The following SELENON variants were observed in gnomAD, a reference collection of about 807,000 sequenced individuals.
The protein encoded by SELENON is selenoprotein N, 1.
A neutral mutation model predicts 59.5 loss-of-function variants in SELENON; 44 were observed. That is an observed-to-expected ratio of 0.74 (90% CI 0.58 to 0.95). SELENON has a LOEUF of 0.95. Ranked by LOEUF, SELENON falls within the 40% of genes least tolerant of loss-of-function variation. The pLI, the probability that SELENON is intolerant of heterozygous loss-of-function variation, is 0.00. For synonymous variants in SELENON, 320 were observed against 305.6 expected (o/e 1.05, Z -0.49); for missense variants, 674 against 721.4 (o/e 0.93, Z 0.75).
intron 7 of SELENON, among the ~76,000 whole-genome samples, chr1:25,810,023 G>C (rs983009689): frequency 6.6e-6 from 1 of 152,176 alleles, no homozygotes; most frequent in Non-Finnish European, 1.5e-5. Context: ...AGGCACCCGT[G>C]GCCTGGCCCT....
intron 7 of SELENON, among the ~76,000 whole-genome samples, chr1:25,810,362 C>T (rs2047947702): frequency 6.6e-6 from 1 of 152,250 alleles, no homozygotes; most frequent in Non-Finnish European, 1.5e-5. Flanking sequence ...CACCTGCTTG[C>T]CTCACCTCCT....
Position 25,808,604 on chromosome 1 carries a change from C to T in SELENON, c.562C>T (p.Leu188Phe). The change falls in exon 5 of 13, where the codon CTC becomes TTC. Residue 188 changes from leucine (L) to phenylalanine (F), a missense_variant. Coordinates refer to ENST00000361547, the MANE Select transcript of SELENON (RefSeq NM_020451.3). ...GGTCTCCCGCCTCGCCCTGTCCGGC[C>T]TCCGAAACTGGACAGCCGCCGCCTC... The T allele has an allele frequency of 6.2e-7, 1 of 1,613,754 alleles. No homozygotes were observed. The highest frequency in any genetic ancestry group is 8.5e-7 in the Non-Finnish European group (1 of 1,179,930).
At position 25,808,289 on chromosome 1, in the gene SELENON, CTGGGCTGCGCCTGGG is replaced by C. The variant is rs1408015493; in HGVS notation, c.538-283_538-269del. 1.0e-3 allele frequency among the ~76,000 whole-genome samples: 153 copies of C among 151,826 alleles called. 1 individual carries two copies. The highest frequency in any genetic ancestry group is 1.9e-3 in the Non-Finnish European group (130 of 67,888). ...TTGCCCTCGAGCGAGCTGCTCTGGC[CTGGGCTGCGCCTGGG>C]TGGGCTGTGCCTGGGTGGGCTGTGC... On this transcript the variant is annotated intron_variant, in intron 4 of 12. Transcript: ENST00000361547.
At chr1:25,809,384 C>T (rs2047938366) in intron 6 of SELENON, among the ~76,000 whole-genome samples, 2 of 152,188 alleles carry the variant, frequency 1.3e-5, no homozygotes, top group African/African-American at 2.4e-5. Flanking sequence ...TTGCTTGGCA[C>T]GGGGCTGGTA....
At chr1:25,814,366 C>T (rs903683773) in intron 12 of SELENON, among the ~76,000 whole-genome samples, 188 bp downstream of exon 11, 1 of 152,230 alleles carries the variant, frequency 6.6e-6, no homozygotes, top group Non-Finnish European at 1.5e-5. Context: ...AAACAGGAAT[C>T]GTGATGCAGG....
chr1:25,801,242 G>A (rs1313335725), intron 2 of SELENON, 82 bp downstream of exon 2: 6 of 1,079,502 alleles, frequency 5.6e-6, no homozygotes, highest in African/African-American at 1.5e-5. Context: ...CGTCTGGAGT[G>A]GAGGGAAGCT....
chr1:25,815,011 G>GTTCT (rs2047998180), intron 12 of SELENON, among the ~76,000 whole-genome samples: 1 of 151,584 alleles, frequency 6.6e-6, no homozygotes, highest in Non-Finnish European at 1.5e-5. Context: ...GATGAGGCTG[G>GTTCT]GCCTGGTTGG....
At chr1:25,804,659 C>A (rs2047889981) in intron 3 of SELENON, among the ~76,000 whole-genome samples, 1 of 125,672 alleles carries the variant, frequency 8.0e-6, no homozygotes, top group African/African-American at 3.0e-5. Flanking sequence ...CCCCCCCCCG[C>A]CGCAAAAAAA....
rs143843515 is a variant in SELENON at position 25,803,859 on chromosome 1, T to C, written c.404-1283T>C. Among the ~76,000 whole-genome samples the C allele has an allele frequency of 6.3e-3, 963 of 152,170 alleles. 20 individuals are homozygous for C. Among genetic ancestry groups the C allele is most frequent in the African/African-American group, 0.022 (898 of 41,536 alleles). ...CTGGGATTACAGGGGTGCACCACCATGCCCAGCTAATTTTGGCATTTTTAG... is the reference window on the plus strand; with the variant it reads ...CTGGGATTACAGGGGTGCACCACCACGCCCAGCTAATTTTGGCATTTTTAG... On this transcript the variant is annotated intron_variant, in intron 3 of 12. Transcript: ENST00000361547.
At chr1:25,804,993 T>TA (rs973726975) in intron 3 of SELENON, 149 bp from the exon 3 acceptor site, 2 of 937,028 alleles carry the variant, frequency 2.1e-6, no homozygotes, top group African/African-American at 3.2e-5. Context: ...TAAAATGCGA[T>TA]ACACTGGTTG....
In SELENON at chr1:25,816,219, G is replaced by A. The variant is rs112884056; in HGVS notation, c.*501G>A. ...GAGCCTTCGTTCCTGGCCATACCCC[G>A]GACTGCCCTCCTGTGCCTGATGTCC... On this transcript the variant is annotated 3_prime_UTR_variant, in exon 13 of 13. Transcript: ENST00000361547. The A allele has an allele frequency of 9.3e-3, 1,478 of 158,214 alleles. 19 individuals carry two copies. The highest frequency in any genetic ancestry group is 8.6e-3 in the African/African-American group (360 of 41,630). 9.8% of individuals were successfully genotyped at this position (158,214 alleles called of 1,614,324 possible).
intron 4 of SELENON, among the ~76,000 whole-genome samples, chr1:25,806,317 G>A (rs748505487): frequency 6.6e-6 from 1 of 152,232 alleles, no homozygotes; most frequent in East Asian, 1.9e-4. Flanking sequence ...GCTGAATATC[G>A]TGCAGATTTT....
rs760604264 is a variant in SELENON, at chr1:25,809,136, C to T, written c.858C>T (p.Tyr286=). The T allele has an allele frequency of 2.2e-5, 35 of 1,613,680 alleles. No individual in the cohort carries two copies. The highest frequency in any genetic ancestry group is 2.7e-5 in the Non-Finnish European group (32 of 1,180,040). The change falls in exon 6 of 13, where the codon TAC becomes TAT. Residue 286 remains tyrosine (Y), a synonymous_variant. Transcript: ENST00000361547. ...TGACTGCCATCAGCGACTTCTACTA[C>T]ACTGTGATGTTCCGGTGAGTGGGCC...
chr1:25,803,708 G>T (rs200526458), intron 3 of SELENON, among the ~76,000 whole-genome samples: 11 of 149,752 alleles, frequency 7.3e-5, no homozygotes. Flanking sequence ...TGTTTTTTTT[G>T]TTTTTTTGTT....
At position 25,807,725 on chromosome 1, in the gene SELENON, C is replaced by T. The variant is rs550184274; in HGVS notation, c.538-855C>T. Among the ~76,000 whole-genome samples the T allele has an allele frequency of 7.9e-4, 121 of 152,258 alleles. No homozygotes were observed. Among genetic ancestry groups the T allele is most frequent in the Middle Eastern group, 6.8e-3 (2 of 294 alleles). On this transcript the variant is annotated intron_variant, in intron 4 of 12. Coordinates refer to ENST00000361547, the MANE Select transcript of SELENON (RefSeq NM_020451.3). This position sits in a 1 kb window ranked among gnomAD's most constrained non-coding sequence, Gnocchi z 4.5. Reference sequence around the variant, plus strand: ...TCTGTGGGAGCTCCCTGCCTGCTTTCCTCCTACCTCCCACCAAGCCTGAGC... The same window carrying T: ...TCTGTGGGAGCTCCCTGCCTGCTTTTCTCCTACCTCCCACCAAGCCTGAGC...
At chr1:25,809,466 G>T (rs761795946) in intron 6 of SELENON, among the ~76,000 whole-genome samples, 1 of 152,238 alleles carries the variant, frequency 6.6e-6, no homozygotes, top group Non-Finnish European at 1.5e-5. Context: ...AGCTGTGAAG[G>T]CTGGGGGAGG....
intron 10 of SELENON, chr1:25,813,533 G>C: frequency 2.6e-6 from 1 of 384,756 alleles, no homozygotes; most frequent in South Asian, 2.0e-5. Flanking sequence ...GACTTTGAAG[G>C]ATGAGTAGGA....
rs727504149 is a variant in SELENON, at chr1:25,813,943, G to A, written c.1450G>A (p.Glu484Lys). The A allele has an allele frequency of 3.7e-6, 6 of 1,614,154 alleles. No individual in the cohort carries two copies. The highest frequency in any genetic ancestry group is 5.1e-6 in the Non-Finnish European group (6 of 1,180,030). Residue 484 changes from glutamate to lysine, a missense_variant, in exon 11 of 13, where the codon GAG becomes AAG. By Grantham distance (56) the Glu-to-Lys change is moderately conservative. Coordinates refer to ENST00000361547, the MANE Select transcript of SELENON (RefSeq NM_020451.3). ...TTCGCCCATCCTCACCCTGCTCAAC[G>A]AGAGCTTCATCAGCACCTGGTCCCT...
Position 25,807,138 on chromosome 1 carries a change from C to T in SELENON, c.538-1442C>T, listed in dbSNP as rs187306290. ...ACAGGTGTGAGCCACCATGCCCGGC[C>T]GGGAGCCCCTTTCTTAACCTCATCG... On this transcript the variant is annotated intron_variant, in intron 4 of 12. Coordinates refer to ENST00000361547, the MANE Select transcript of SELENON (RefSeq NM_020451.3). The surrounding 1 kb of genome is among the most constrained non-coding windows in gnomAD (Gnocchi z 4.5). Among the ~76,000 whole-genome samples the T allele has an allele frequency of 6.6e-5, 10 of 150,828 alleles. No homozygotes were observed. The highest frequency in any genetic ancestry group is 4.0e-4 in the East Asian group (2 of 5,000).
Sources: gnomAD v4.1 joint callset for allele counts (sites outside exome capture counted in the v4.1 genomes callset) on GRCh38, gnomAD v4.1.1 for gene constraint, Gnocchi (gnomAD v3.1) non-coding constraint, MANE v1.5 for transcripts, NCBI Gene and HGNC (gene_info 2026-07-23, HGNC 2026-07-21) for gene names.